The following PCDH7 variants were observed in gnomAD, a reference collection of about 807,000 sequenced individuals.
The protein encoded by PCDH7 is protocadherin-7.
In PCDH7, 17 loss-of-function variants were observed where a neutral mutation model predicts 58.9. That is an observed-to-expected ratio of 0.29 (90% CI 0.20 to 0.43). The LOEUF is 0.43. Among genes scored for constraint, PCDH7 ranks in the 20% least tolerant of loss-of-function variants. The pLI, the probability that PCDH7 is intolerant of heterozygous loss-of-function variation, is 1.00. For missense variants in PCDH7, 1,274 were observed against 1,441.0 expected, an observed-to-expected ratio of 0.88 and a Z score of 1.88; for synonymous variants, 664 against 616.4, an observed-to-expected ratio of 1.08 and a Z score of -1.14.
chr4:30,730,675 A>G (rs572671304), intron 1 of PCDH7: 26 of 1,043,642 alleles, frequency 2.5e-5, no homozygotes, highest in African/African-American at 2.0e-4. Context: ...AAGCTTTCCA[A>G]TTGGGCATAA....
At chr4:31,008,938 G>C (rs745846177) in intron 3 of PCDH7, among the ~76,000 whole-genome samples, 2 of 152,002 alleles carry the variant, frequency 1.3e-5, no homozygotes, top group Non-Finnish European at 2.9e-5. Context: ...TCCCCTGGCT[G>C]TTACCTACTA....
At chr4:31,143,606 A>G (rs1221703723), downstream of PCDH7, 1 of 152,178 alleles carries the variant, frequency 6.6e-6, no homozygotes, top group Non-Finnish European at 1.5e-5. Context: ...CAATTTCACC[A>G]GTTATGACTT....
chr4:30,835,047 G>A (rs535714818), intron 1 of PCDH7, among the ~76,000 whole-genome samples: 22 of 152,216 alleles, frequency 1.4e-4, no homozygotes, highest in African/African-American at 3.9e-4. Flanking sequence ...GATGGGAGAG[G>A]TAGCTGAATT....
chr4:30,836,335 G>T (rs1374453677), intron 1 of PCDH7, among the ~76,000 whole-genome samples: 2 of 152,184 alleles, frequency 1.3e-5, no homozygotes, highest in Non-Finnish European at 2.9e-5. Flanking sequence ...TGTATTAAGT[G>T]CTGTGAGAGA....
chr4:30,752,822 GA>G (rs1160597987), intron 1 of PCDH7, among the ~76,000 whole-genome samples: 1 of 136,474 alleles, frequency 7.3e-6, no homozygotes, highest in Admixed American at 7.2e-5. Flanking sequence ...AGAAAAAAAA[GA>G]AAAAAAGAAC....
At chr4:30,824,087 C>CTTTCTTTCTTTCT (rs1560407534) in intron 1 of PCDH7, among the ~76,000 whole-genome samples, 73 of 19,556 alleles carry the variant, frequency 3.7e-3, no homozygotes, top group Admixed American at 6.7e-3. Context: ...TCTTTTCTTT[C>CTTTCTTTCTTTCT]TTTCTTTCTT....
chr4:31,142,423 G>A (rs766530157), intron 3 of PCDH7, 50 bp from the exon 3 acceptor site: 18 of 1,308,228 alleles, frequency 1.4e-5, no homozygotes, highest in Admixed American at 6.9e-5. Flanking sequence ...GATCAGGGGA[G>A]CCTGTTGAGG....
chr4:31,050,447 G>T (rs546658301), intron 3 of PCDH7, among the ~76,000 whole-genome samples: 1 of 152,040 alleles, frequency 6.6e-6, no homozygotes, highest in Non-Finnish European at 1.5e-5. Context: ...GAATAATGAG[G>T]AAAAATAAAA....
chr4:31,001,406 G>A (rs1406143031), intron 3 of PCDH7, among the ~76,000 whole-genome samples: 1 of 151,934 alleles, frequency 6.6e-6, no homozygotes, highest in Non-Finnish European at 1.5e-5. Flanking sequence ...AGATTAACAA[G>A]AGCACATAAA....
intron 3 of PCDH7, among the ~76,000 whole-genome samples, chr4:31,077,182 G>A (rs749936238): frequency 1.3e-5 from 2 of 151,992 alleles, no homozygotes; most frequent in Non-Finnish European, 1.5e-5. Context: ...AGGCCGAGGC[G>A]AGCAGATCAC....
At chr4:30,769,905 G>A (rs1290735334) in intron 1 of PCDH7, among the ~76,000 whole-genome samples, 1 of 152,124 alleles carries the variant, frequency 6.6e-6, no homozygotes, top group Non-Finnish European at 1.5e-5. Context: ...TCCATAAATG[G>A]TTTTTCTATA....
intron 3 of PCDH7, among the ~76,000 whole-genome samples, chr4:30,957,314 A>T (rs1380622797): frequency 6.6e-6 from 1 of 152,226 alleles, no homozygotes; most frequent in African/African-American, 2.4e-5. Flanking sequence ...ATGGAATATT[A>T]TTTATTTGAC....
chr4:31,097,587 C>CATATATATATATATATAT (rs1190443409), intron 3 of PCDH7, among the ~76,000 whole-genome samples: 1 of 40,094 alleles, frequency 2.5e-5, no homozygotes, highest in Non-Finnish European at 5.3e-5. Flanking sequence ...TCCAAATATA[C>CATATATATATATATATAT]ATATATATAT....
At chr4:30,861,316 A>G (rs1734164203) in intron 1 of PCDH7, among the ~76,000 whole-genome samples, 1 of 152,160 alleles carries the variant, frequency 6.6e-6, no homozygotes, top group African/African-American at 2.4e-5. Context: ...TACTGCATGC[A>G]GGTATAACAT....
At chr4:31,097,589 TA>T (rs1226355208) in intron 3 of PCDH7, among the ~76,000 whole-genome samples, 1 of 11,306 alleles carries the variant, frequency 8.8e-5, no homozygotes, top group Non-Finnish European at 1.4e-4. Context: ...CAAATATACA[TA>T]TATATATATA....
chr4:30,842,970 A>G (rs2109339856), intron 1 of PCDH7, among the ~76,000 whole-genome samples: 1 of 152,170 alleles, frequency 6.6e-6, no homozygotes, highest in East Asian at 1.9e-4. Context: ...TCTATAAGAG[A>G]AGAAACAGCG....
chr4:30,940,054 G>A (rs531990997), intron 2 of PCDH7, among the ~76,000 whole-genome samples: 4 of 151,034 alleles, frequency 2.6e-5, no homozygotes, highest in Admixed American at 6.6e-5. Flanking sequence ...TAAGATCAAT[G>A]ATTACCCCAG....
intron 1 of PCDH7, among the ~76,000 whole-genome samples, chr4:30,849,412 C>G (rs150144185): frequency 0.012 from 1,893 of 152,176 alleles, 21 homozygotes; most frequent in Non-Finnish European, 0.022. Flanking sequence ...GGGCCTTTGC[C>G]CATTTCGTGT....
chr4:30,979,237 A>T (rs918950712), intron 3 of PCDH7, among the ~76,000 whole-genome samples: 1 of 151,496 alleles, frequency 6.6e-6, no homozygotes, highest in African/African-American at 2.4e-5. Flanking sequence ...GAAGCAGGAG[A>T]ATGGCGTGAA....
Sources: gnomAD v4.1 joint callset for allele counts (sites outside exome capture counted in the v4.1 genomes callset) on GRCh38, gnomAD v4.1.1 for gene constraint, MANE v1.5 for transcripts, NCBI Gene and HGNC (gene_info 2026-07-23, HGNC 2026-07-21) for gene names.